XYLT1: variants seen among roughly 807,000 people sequenced by gnomAD.
XYLT1 encodes beta-D-xylosyltransferase 1.
XYLT1 carries 36 observed loss-of-function variants against 91.3 expected under a neutral mutation model. That is an observed-to-expected ratio of 0.39 (90% confidence interval 0.30 to 0.52). The LOEUF is 0.52. XYLT1 is among the 20% of genes least tolerant of loss of function. The pLI is 0.68. For missense variants in XYLT1, 1,242 were observed against 1,284.5 expected (o/e 0.97, Z 0.51); for synonymous variants, 588 against 532.0 (o/e 1.11, Z -1.45).
chr16:17,118,405 C>G (rs1204651387), intron 10 of XYLT1, among the ~76,000 whole-genome samples: 2 of 152,314 alleles, frequency 1.3e-5, no homozygotes, highest in East Asian at 3.9e-4. Flanking sequence ...AAATCACACA[C>G]CTCCACTTGG....
At chr16:17,308,615 C>A (rs1335406427) in intron 2 of XYLT1, among the ~76,000 whole-genome samples, 3 of 152,166 alleles carry the variant, frequency 2.0e-5, no homozygotes, top group Admixed American at 1.3e-4. Flanking sequence ...TGCTTTCCTA[C>A]CCAAAGACCA....
intron 1 of XYLT1, among the ~76,000 whole-genome samples, chr16:17,372,021 C>G (rs539428094): frequency 9.2e-5 from 14 of 152,226 alleles, no homozygotes; most frequent in African/African-American, 3.4e-4. Flanking sequence ...TCTAAGTTGC[C>G]CCATTCTTGG....
intron 10 of XYLT1, among the ~76,000 whole-genome samples, chr16:17,123,632 C>T (rs567645932): frequency 1.3e-5 from 2 of 152,246 alleles, no homozygotes; most frequent in East Asian, 1.9e-4. Context: ...TGCTGATGAA[C>T]AGCATGTATA....
At chr16:17,138,182 T>TTAG (rs2030824174) in intron 8 of XYLT1, 173 bp downstream of exon 8, 5 of 707,576 alleles carry the variant, frequency 7.1e-6, no homozygotes, top group Non-Finnish European at 1.1e-5. Context: ...ATCCCTGAAG[T>TTAG]AAGTGCTCAA....
At chr16:17,286,047 T>C (rs957760102) in intron 2 of XYLT1, among the ~76,000 whole-genome samples, 15 of 152,150 alleles carry the variant, frequency 9.9e-5, no homozygotes, top group African/African-American at 3.6e-4. Flanking sequence ...CCCACGTGCC[T>C]CTCTGCTAAT....
rs1361238981 is a variant in XYLT1, at chr16:17,245,509, G to A, written c.913+13479C>T. On this transcript the variant is annotated intron_variant, in intron 3 of 11. Coordinates refer to ENST00000261381, the MANE Select transcript of XYLT1 (RefSeq NM_022166.4). ...ATTTCGCCATTAAGAGTTTATCAAA[G>A]CAAGCACTATTTCAATCGTCTCTTA... Among the ~76,000 whole-genome samples, 3 of 152,286 alleles carry A rather than the reference G, an allele frequency of 2.0e-5. 1 individual carries two copies. Among genetic ancestry groups the A allele is most frequent in the African/African-American group, 7.2e-5 (3 of 41,550 alleles).
At chr16:17,218,173 G>A (rs1045479892) in intron 3 of XYLT1, among the ~76,000 whole-genome samples, 1 of 151,896 alleles carries the variant, frequency 6.6e-6, no homozygotes, top group Non-Finnish European at 1.5e-5. Context: ...CAGGAGAACT[G>A]CTTGAACCCA....
At chr16:17,145,263 T>G (rs1313740832) in intron 6 of XYLT1, among the ~76,000 whole-genome samples, 1 of 152,208 alleles carries the variant, frequency 6.6e-6, no homozygotes, top group African/African-American at 2.4e-5. Flanking sequence ...ACATTTTGCT[T>G]TACTTTGGAC....
Position 17,388,127 on chromosome 16 carries a change from A to C in XYLT1, c.364-30077T>G, listed in dbSNP as rs566187328. 5.3e-5 allele frequency among the ~76,000 whole-genome samples: 8 copies of C among 152,346 alleles called. No homozygotes were observed. The East Asian group carries it at 1.5e-3, about 29-fold the overall frequency. On this transcript the variant is annotated intron_variant, in intron 1 of 11. Coordinates refer to ENST00000261381, the MANE Select transcript of XYLT1 (RefSeq NM_022166.4). ...GCTCAGAACACTGACATTAGCCTACAATTAGGCAAAATCATCTAATACGAA... is the reference window on the plus strand; with the variant it reads ...GCTCAGAACACTGACATTAGCCTACCATTAGGCAAAATCATCTAATACGAA...
At position 17,111,490 on chromosome 16, in the gene XYLT1, C is replaced by G. The variant is rs573249609; in HGVS notation, c.2558-2473G>C. Among the ~76,000 whole-genome samples the G allele has an allele frequency of 2.6e-5, 4 of 152,290 alleles. No individual in the cohort carries two copies. In the South Asian group the frequency reaches 8.3e-4, roughly 32 times the overall value. On this transcript the variant is annotated intron_variant, in intron 11 of 11. Transcript: ENST00000261381. ...TGAGATAGCTAGGATTACAAGAAAC[C>G]TTCCAAGATAATGCAGTGTTCAGAA... is the stretch of plus-strand genomic sequence containing the variant.
At chr16:17,290,621 G>A (rs1295666991) in intron 2 of XYLT1, among the ~76,000 whole-genome samples, 2 of 152,232 alleles carry the variant, frequency 1.3e-5, no homozygotes, top group African/African-American at 2.4e-5. Flanking sequence ...ACTTGTAAAT[G>A]TCTGCAAATG....
At chr16:17,339,266 T>C (rs748300105) in intron 2 of XYLT1, among the ~76,000 whole-genome samples, 2 of 152,182 alleles carry the variant, frequency 1.3e-5, no homozygotes, top group Non-Finnish European at 2.9e-5. Flanking sequence ...TTCATAATTA[T>C]TTTCACTAAC....
In XYLT1 at chr16:17,200,438, C is replaced by T. The variant is rs11075341; in HGVS notation, c.1086+44G>A. On this transcript the variant is annotated intron_variant, in intron 4 of 11. Transcript: ENST00000261381. ...AGGGTATCAGGGAGGGACGGACAGA[C>T]CCCGAAGAAAGCCCAGCAAGGGGTG... is the stretch of plus-strand genomic sequence containing the variant. 0.5 allele frequency: 792,923 copies of T among 1,590,992 alleles called. 207,604 individuals are homozygous for T. The highest frequency in any genetic ancestry group is 0.81 in the African/African-American group (60,529 of 74,590).
At chr16:17,390,555 AG>A (rs1301026812) in intron 1 of XYLT1, among the ~76,000 whole-genome samples, 22 of 152,376 alleles carry the variant, frequency 1.4e-4, no homozygotes, top group Non-Finnish European at 1.3e-4. Flanking sequence ...AAATTATGAC[AG>A]TGAAAGAGGT....
chr16:17,364,675 A>C (rs1351561918), intron 1 of XYLT1, among the ~76,000 whole-genome samples: 1 of 152,190 alleles, frequency 6.6e-6, no homozygotes, highest in Non-Finnish European at 1.5e-5. Flanking sequence ...AAATTCCTGC[A>C]ACGCTGCCAA....
intron 2 of XYLT1, among the ~76,000 whole-genome samples, chr16:17,321,672 C>T (rs2034723724): frequency 6.6e-6 from 1 of 152,078 alleles, no homozygotes; most frequent in Admixed American, 6.5e-5. Context: ...GTTCTGTTCT[C>T]CTTAGAGCAG....
chr16:17,393,121 C>T (rs1047779027), intron 1 of XYLT1, among the ~76,000 whole-genome samples: 2 of 152,104 alleles, frequency 1.3e-5, no homozygotes, highest in Non-Finnish European at 2.9e-5. Flanking sequence ...GATCCTCCAG[C>T]GACTTTCATC....
intron 2 of XYLT1, among the ~76,000 whole-genome samples, chr16:17,262,296 C>T (rs759567375): frequency 5.3e-5 from 8 of 152,150 alleles, no homozygotes; most frequent in Admixed American, 1.3e-4. Flanking sequence ...CACTACTGTT[C>T]GCCCACCTTA....
intron 1 of XYLT1, among the ~76,000 whole-genome samples, chr16:17,414,449 G>A (rs1269957998): frequency 5.3e-5 from 8 of 152,092 alleles, no homozygotes; most frequent in Non-Finnish European, 1.2e-4. Flanking sequence ...TCCAGCTTTA[G>A]CCTCTGGAGT....
Sources: gnomAD v4.1 joint callset for allele counts (sites outside exome capture counted in the v4.1 genomes callset) on GRCh38, gnomAD v4.1.1 for gene constraint, MANE v1.5 for transcripts, NCBI Gene and HGNC (gene_info 2026-07-23, HGNC 2026-07-21) for gene names.